NCKAP1: variants seen among roughly 807,000 people sequenced by gnomAD.
NCKAP1 encodes NCK associated protein 1, also known as nck-associated protein 1.
Under a neutral mutation model 151.2 loss-of-function variants are expected in NCKAP1, and 21 were observed. The ratio of observed to expected loss-of-function variants is 0.14; its 90% confidence interval spans 0.10 to 0.20. The LOEUF (loss-of-function observed/expected upper bound fraction) is 0.20. Ranked by LOEUF, NCKAP1 falls within the 10% of genes least tolerant of loss-of-function variation. NCKAP1 has a pLI of 1.00. For missense variants in NCKAP1, 933 were observed against 1,352.1 expected (o/e 0.69, Z 4.86); for synonymous variants, 484 against 451.8 (o/e 1.07, Z -0.90).
At chr2:182,957,334 T>C in intron 19 of NCKAP1, 123 bp downstream of exon 19, 1 of 1,107,896 alleles carries the variant, frequency 9.0e-7, no homozygotes, top group Non-Finnish European at 1.2e-6. Flanking sequence ...AAATATTTTT[T>C]AAAATGGCTG....
Position 182,917,289 on chromosome 2 carries a change from C to T in NCKAP1, c.*8413G>A, listed in dbSNP as rs1439579219. The T allele has an allele frequency of 1.3e-5, 2 of 152,172 alleles. No homozygotes were observed. Among genetic ancestry groups the T allele is most frequent in the African/African-American group, 2.4e-5 (1 of 41,440 alleles). The allele number at this position is 152,172 out of a possible 1,614,324, so 9.4% of individuals were successfully genotyped here. On this transcript the variant is annotated 3_prime_UTR_variant, in exon 31 of 31. Coordinates refer to ENST00000361354, the MANE Select transcript of NCKAP1 (RefSeq NM_013436.5). ...GGCATCATACTTCAAGTCATATCCA[C>T]GTCCAAAATCCTACCAGGAACCAGT...
intron 26 of NCKAP1, 85 bp downstream of exon 26, chr2:182,934,667 T>A: frequency 1.4e-6 from 1 of 736,338 alleles, no homozygotes; most frequent in Non-Finnish European, 2.3e-6. Context: ...TACAGTAGTT[T>A]AGGATTTATT....
intron 18 of NCKAP1, among the ~76,000 whole-genome samples, chr2:182,959,965 T>C (rs1360952376): frequency 1.3e-5 from 2 of 152,228 alleles, no homozygotes; most frequent in East Asian, 3.9e-4. Flanking sequence ...AAATCATGAG[T>C]GAACTCCCAT....
At chr2:182,958,532 T>C (rs945516229) in intron 18 of NCKAP1, among the ~76,000 whole-genome samples, 2 of 152,110 alleles carry the variant, frequency 1.3e-5, no homozygotes, top group African/African-American at 4.8e-5. Flanking sequence ...CTAGAAATAG[T>C]TCAGACAAGG....
At chr2:182,954,678 C>T (rs1029600809) in intron 20 of NCKAP1, among the ~76,000 whole-genome samples, 3 of 151,978 alleles carry the variant, frequency 2.0e-5, no homozygotes, top group Admixed American at 6.6e-5. Context: ...CCCAGCTACT[C>T]GGGAGGCTGA....
chr2:182,932,514 A>G (rs1307871602), intron 26 of NCKAP1, among the ~76,000 whole-genome samples: 1 of 152,150 alleles, frequency 6.6e-6, no homozygotes, highest in African/African-American at 2.4e-5. Flanking sequence ...GGGGATGATG[A>G]AAATGTTCTA....
intron 28 of NCKAP1, 30 bp from the exon 29 acceptor site, chr2:182,928,256 C>A: frequency 6.8e-7 from 1 of 1,471,678 alleles, no homozygotes; most frequent in East Asian, 2.3e-5. Flanking sequence ...GTTGTGTAGA[C>A]CCCAAAATAG....
intron 23 of NCKAP1, among the ~76,000 whole-genome samples, chr2:182,944,059 G>A (rs946508633): frequency 1.3e-5 from 2 of 152,138 alleles, no homozygotes; most frequent in Non-Finnish European, 2.9e-5. Context: ...ACAAAAACCT[G>A]CATTTTTAAC....
In NCKAP1 at chr2:182,909,636, T is replaced by C. The variant is rs922450444; in HGVS notation, c.*16066A>G. ...CTCGGATTTACTGCCTTTTCTTGTATGTTGTTGTTTTATTTGTTTAAGTAA... is the reference window on the plus strand; with the variant it reads ...CTCGGATTTACTGCCTTTTCTTGTACGTTGTTGTTTTATTTGTTTAAGTAA... On this transcript the variant is annotated 3_prime_UTR_variant, in exon 31 of 31. Transcript: ENST00000361354. 1 of 152,244 alleles carries C rather than the reference T, an allele frequency of 6.6e-6. No individual in the cohort carries two copies. Among genetic ancestry groups the C allele is most frequent in the African/African-American group, 2.4e-5 (1 of 41,462 alleles). The allele number at this position is 152,244 out of a possible 1,614,324, so 9.4% of individuals were successfully genotyped here. A position where few individuals can be genotyped will look rare whatever the true frequency, so the allele number is the denominator to read the frequency against.
chr2:182,912,322 A>T lies in NCKAP1; in HGVS notation c.*13380T>A, dbSNP rs1304485367. 1 of 152,226 alleles carries T rather than the reference A, an allele frequency of 6.6e-6. No homozygotes were observed. The highest frequency in any genetic ancestry group is 2.1e-4 in the South Asian group (1 of 4,832). The allele number at this position is 152,226 out of a possible 1,614,324, so 9.4% of individuals were successfully genotyped here. ...AAAAATCAACCAACTATAAACAGTT[A>T]CCACAGTTCTGTTTTTGCCAGTGCC... On this transcript the variant is annotated 3_prime_UTR_variant, in exon 31 of 31. Transcript: ENST00000361354.
rs972472008 is a variant in NCKAP1, at chr2:182,916,275, G to T, written c.*9427C>A. ...CTGTATCTCTGATGCTTCTCCACAG[G>T]AACAAAAAGAAACAGAACCACTTGT... On this transcript the variant is annotated 3_prime_UTR_variant, in exon 31 of 31. Coordinates refer to ENST00000361354, the MANE Select transcript of NCKAP1 (RefSeq NM_013436.5). 1 of 151,622 alleles carries T rather than the reference G, an allele frequency of 6.6e-6. No homozygotes were observed. The highest frequency in any genetic ancestry group is 3.2e-3 in the Middle Eastern group (1 of 308). 9.4% of individuals were successfully genotyped at this position (151,622 alleles called of 1,614,324 possible).
Position 182,981,265 on chromosome 2 carries a change from A to G in NCKAP1, c.1320T>C (p.Val440=). ...YVQYLSGFDA[V]VLNELVQNLS... ...TTACCTGCACGAGTTCATTGAGGAC[A>G]ACAGCATCAAAGCCAGAAAGGTACT... The change falls in exon 13 of 31, where the codon GTT becomes GTC. Residue 440 remains valine (V), a synonymous_variant. Transcript: ENST00000361354. 1 of 1,613,858 alleles carries G rather than the reference A, an allele frequency of 6.2e-7. No homozygotes were observed. The highest frequency in any genetic ancestry group is 1.3e-5 in the African/African-American group (1 of 75,060).
intron 23 of NCKAP1, among the ~76,000 whole-genome samples, chr2:182,943,192 G>A (rs529382094): frequency 1.9e-4 from 29 of 152,124 alleles, no homozygotes; most frequent in Middle Eastern, 6.8e-3. Flanking sequence ...TTCATTCTTG[G>A]TTATTTCAAT....
Position 182,914,597 on chromosome 2 carries a change from GC to G in NCKAP1, c.*11104del, listed in dbSNP as rs1303089375. On this transcript the variant is annotated 3_prime_UTR_variant, in exon 31 of 31. Coordinates refer to ENST00000361354, the MANE Select transcript of NCKAP1 (RefSeq NM_013436.5). ...TGAGGACACTCTGCATTTTAGAAGT[GC>G]CACAATAGCATATTCTCTCCTTTTC... The G allele has an allele frequency of 6.6e-6, 1 of 152,146 alleles. No homozygotes were observed. The highest frequency in any genetic ancestry group is 1.5e-5 in the Non-Finnish European group (1 of 68,028). The allele number at this position is 152,146 out of a possible 1,614,324, so 9.4% of individuals were successfully genotyped here.
chr2:183,010,716 C>T (rs533163359), intron 2 of NCKAP1, among the ~76,000 whole-genome samples: 3 of 152,230 alleles, frequency 2.0e-5, no homozygotes, highest in Admixed American at 1.3e-4. Flanking sequence ...ATCAGTACTA[C>T]AAAAATCACT....
In NCKAP1 at chr2:183,008,651, C is replaced by G. The variant is rs541747045; in HGVS notation, c.220-5326G>C. Among the ~76,000 whole-genome samples the G allele has an allele frequency of 2.2e-3, 342 of 152,320 alleles. 2 individuals carry two copies. The highest frequency in any genetic ancestry group is 7.9e-3 in the African/African-American group (329 of 41,554). Reference sequence around the variant, plus strand: ...TTCTGAGCACAGCTTACTCCCTCACCTCACTTCTCTTCAGTGAGGGAGAGT... The same window carrying G: ...TTCTGAGCACAGCTTACTCCCTCACGTCACTTCTCTTCAGTGAGGGAGAGT... On this transcript the variant is annotated intron_variant, in intron 2 of 30. Transcript: ENST00000361354.
intron 26 of NCKAP1, among the ~76,000 whole-genome samples, chr2:182,932,311 T>C (rs72886538): frequency 0.027 from 4,037 of 152,188 alleles, 80 homozygotes; most frequent in Non-Finnish European, 0.04. Flanking sequence ...TACTGATATA[T>C]GCTGTAATAT....
At chr2:183,000,293 T>A (rs1698352401) in intron 6 of NCKAP1, among the ~76,000 whole-genome samples, 1 of 152,226 alleles carries the variant, frequency 6.6e-6, no homozygotes, top group African/African-American at 2.4e-5. Flanking sequence ...AATAACCTAC[T>A]ATATACTGAA....
In NCKAP1 at chr2:182,928,904, G is replaced by A; in HGVS notation, c.2954-5C>T. 6.4e-7 allele frequency: 1 copy of A among 1,554,132 alleles called. No homozygotes were observed. ...CTTCTTCTGGACTAATGTTTTCTAA[G>A]AGACAAAAATTAAGAATAAAATCAA... On this transcript the variant is annotated splice_region_variant and splice_polypyrimidine_tract_variant and intron_variant, in intron 27 of 30. Coordinates refer to ENST00000361354, the MANE Select transcript of NCKAP1 (RefSeq NM_013436.5).
Sources: gnomAD v4.1 joint callset for allele counts (sites outside exome capture counted in the v4.1 genomes callset) on GRCh38, gnomAD v4.1.1 for gene constraint, MANE v1.5 for transcripts, NCBI Gene and HGNC (gene_info 2026-07-23, HGNC 2026-07-21) for gene names.